Variants in PER1 observed in about 807,000 individuals in gnomAD.
The protein encoded by PER1 is period circadian protein homolog 1.
A neutral mutation model predicts 125.9 loss-of-function variants in PER1; 87 were observed. The observed-to-expected ratio is 0.69, with a 90% confidence interval of 0.58 to 0.83. The LOEUF is 0.83. Ranked by LOEUF, PER1 falls within the 40% of genes least tolerant of loss-of-function variation. The probability of loss-of-function intolerance (pLI) is 0.00; values close to 1 mark genes in which losing one functional copy is unlikely to be tolerated. For missense variants in PER1, 1,775 were observed against 1,722.8 expected, an observed-to-expected ratio of 1.03 and a Z score of -0.54; for synonymous variants, 801 against 714.7, an observed-to-expected ratio of 1.12 and a Z score of -1.93.
rs1234353028 is a variant in PER1, at chr17:8,143,640, G to A, written c.2698C>T (p.Pro900Ser). 2.8e-6 allele frequency: 4 copies of A among 1,452,258 alleles called. No homozygotes were observed. The highest frequency in any genetic ancestry group is 2.5e-5 in the East Asian group (1 of 39,690). The allele number at this position is 1,452,258 out of a possible 1,614,324, so 90.0% of individuals were successfully genotyped here. A position where few individuals can be genotyped will look rare whatever the true frequency, so the allele number is the denominator to read the frequency against. Reference sequence around the variant, plus strand: ...GCTGGGGGCACAGATGTGGGAGCAGGGGGAAGAGGCTGGGGGCCTCCTCGA... The same window carrying A: ...GCTGGGGGCACAGATGTGGGAGCAGAGGGAAGAGGCTGGGGGCCTCCTCGA... ...SPRGGPQPLPPAPTSVPPAAF... is the reference protein window; with the variant it reads ...SPRGGPQPLPSAPTSVPPAAF... The change falls in exon 19 of 23, where the codon CCT (proline) becomes TCT (serine). Residue 900 changes from proline (P) to serine (S), a missense_variant. Transcript: ENST00000317276.
chr17:8,147,607 G>A lies in PER1; in HGVS notation c.1389-29C>T, dbSNP rs766743208. On this transcript the variant is annotated intron_variant, in intron 11 of 22. Coordinates refer to ENST00000317276, the MANE Select transcript of PER1 (RefSeq NM_002616.3). ...TAGAGTGAAGAGTGAATCCAGCCCT[G>A]GCCCGGTCCTGTCCCCCACCGCACT... 1.6e-5 allele frequency: 26 copies of A among 1,613,206 alleles called. 1 individual carries two copies. The East Asian group carries it at 2.2e-4, about 14-fold the overall frequency.
intron 18 of PER1, chr17:8,144,497 G>A (rs750797402): frequency 7.9e-6 from 4 of 504,348 alleles, no homozygotes; most frequent in Admixed American, 3.9e-5. Flanking sequence ...GCCTGAAGTC[G>A]CTTACCTGGA....
intron 19 of PER1, 51 bp downstream of exon 19, chr17:8,143,215 G>A (rs1022372397): frequency 3.1e-6 from 4 of 1,290,308 alleles, no homozygotes; most frequent in South Asian, 3.1e-5. Context: ...GGTGGCAGAG[G>A]GGCGGGGCTG....
At position 8,143,542 on chromosome 17, in the gene PER1, G is replaced by A. The variant is rs542348673; in HGVS notation, c.2796C>T (p.Ser932=). ...VLPNYLFPTP[S]SYPYGALQTP... The stretch of plus-strand genomic sequence containing the variant: ...TCTGGAGTGCCCCATAAGGATAGCT[G>A]GATGGGGTTGGGAACAGATAGTTAG... Residue 932 remains serine (S), a synonymous_variant, in exon 19 of 23, where the codon TCC becomes TCT. Coordinates refer to ENST00000317276, the MANE Select transcript of PER1 (RefSeq NM_002616.3). The A allele has an allele frequency of 2.0e-6, 3 of 1,505,942 alleles. No individual in the cohort carries two copies. Among genetic ancestry groups the A allele is most frequent in the Admixed American group, 4.4e-5 (2 of 45,846 alleles). 93.3% of individuals were successfully genotyped at this position (1,505,942 alleles called of 1,614,324 possible).
chr17:8,143,737 G>C lies in PER1; in HGVS notation c.2601C>G (p.Pro867=), dbSNP rs978913524. The C allele has an allele frequency of 5.2e-6, 8 of 1,552,988 alleles. No homozygotes were observed. In the Admixed American group the frequency reaches 5.4e-5, roughly 11 times the overall value. The change falls in exon 19 of 23, where the codon CCC becomes CCG. Residue 867 remains proline, a synonymous_variant. Coordinates refer to ENST00000317276, the MANE Select transcript of PER1 (RefSeq NM_002616.3). ...GGGTAGTGGCTGGTGGGGTGGGCCAGGGGGTGGAGGGTGGCACGGGTGAGG... is the reference window on the plus strand; with the variant it reads ...GGGTAGTGGCTGGTGGGGTGGGCCACGGGGTGGAGGGTGGCACGGGTGAGG... ...SHPSPVPPST[P]WPTPPATTPF...
rs760856968 is a variant in PER1 at position 8,149,793 on chromosome 17, G to A, written c.613C>T (p.Leu205=). 1.2e-6 allele frequency: 2 copies of A among 1,613,558 alleles called. No individual in the cohort carries two copies. The highest frequency in any genetic ancestry group is 1.1e-5 in the South Asian group (1 of 91,084). The part of the protein sequence containing the change: ...MDMSTYTLEE[L]EHITSEYTLQ... ...GTGTACTCAGACGTGATGTGCTCCA[G>A]CTCCTCCAGGGTATAGGTGGACATG... The change falls in exon 5 of 23, where the codon CTG becomes TTG. Residue 205 remains leucine (L), a synonymous_variant. Coordinates refer to ENST00000317276, the MANE Select transcript of PER1 (RefSeq NM_002616.3).
intron 13 of PER1, 36 bp downstream of exon 13, chr17:8,147,214 G>T: frequency 3.2e-6 from 5 of 1,577,186 alleles, no homozygotes; most frequent in Non-Finnish European, 3.4e-6. Context: ...GAGGGGAAAG[G>T]GCGATTAGAG....
Position 8,142,321 on chromosome 17 carries a change from G to A in PER1, c.3397C>T (p.Leu1133Phe), listed in dbSNP as rs1982133032. The A allele has an allele frequency of 1.2e-6, 2 of 1,613,006 alleles. No individual in the cohort carries two copies. Among genetic ancestry groups the A allele is most frequent in the African/African-American group, 1.3e-5 (1 of 74,902 alleles). Reference protein sequence around the residue: ...KYVLQDPIWLLMANADQRVMM... With the variant: ...KYVLQDPIWLFMANADQRVMM... ...ACGCGCTGGTCAGCATTGGCCATGA[G>A]CAGCCAAATGGGATCCTGGAGCACG... The change falls in exon 21 of 23, where the codon CTC becomes TTC. Residue 1133 changes from leucine (L) to phenylalanine (F), a missense_variant. Leu to Phe is a conservative substitution (Grantham distance 22). Coordinates refer to ENST00000317276, the MANE Select transcript of PER1 (RefSeq NM_002616.3).
chr17:8,143,832 G>C lies in PER1; in HGVS notation c.2506C>G (p.Arg836Gly), dbSNP rs1229815436. Residue 836 changes from arginine (R) to glycine (G), a missense_variant, in exon 19 of 23, where the codon CGA becomes GGA. Transcript: ENST00000317276. ...PAPPSRRHHC[R>G]SKAKRSRHHQ... Reference sequence around the variant, plus strand: ...TGGCGTGAGCGCTTGGCTTTGGATCGGCAGTGGTGTCGGCGGCTTGGGGGT... The same window carrying C: ...TGGCGTGAGCGCTTGGCTTTGGATCCGCAGTGGTGTCGGCGGCTTGGGGGT... The C allele has an allele frequency of 1.9e-6, 3 of 1,612,668 alleles. No homozygotes were observed. The highest frequency in any genetic ancestry group is 2.5e-6 in the Non-Finnish European group (3 of 1,179,352).
At chr17:8,151,512 G>A (rs1346367803) in intron 1 of PER1, among the ~76,000 whole-genome samples, 1 of 152,066 alleles carries the variant, frequency 6.6e-6, no homozygotes, top group Non-Finnish European at 1.5e-5. Flanking sequence ...GAAGTGGGAC[G>A]GCCTATTAGG....
Position 8,144,991 on chromosome 17 carries a change from T to A in PER1, c.2221A>T (p.Ile741Phe). 6.8e-7 allele frequency: 1 copy of A among 1,478,908 alleles called. No homozygotes were observed. Among genetic ancestry groups the A allele is most frequent in the Non-Finnish European group, 9.0e-7 (1 of 1,113,604 alleles). 91.6% of individuals were successfully genotyped at this position (1,478,908 alleles called of 1,614,324 possible). A position where few individuals can be genotyped will look rare whatever the true frequency, so the allele number is the denominator to read the frequency against. Residue 741 changes from isoleucine to phenylalanine, a missense_variant and splice_region_variant, in exon 18 of 23, where the codon ATC becomes TTC. Ile to Phe is a conservative substitution (Grantham distance 21). Coordinates refer to ENST00000317276, the MANE Select transcript of PER1 (RefSeq NM_002616.3). ...VGDKKPPESDIIMMEDLPGLA... is the reference protein window; with the variant it reads ...VGDKKPPESDFIMMEDLPGLA... ...CCAGGCAGGTCCTCCATCATGATGA[T>A]GTCTGAGGAGAGTGAGATAGGGAAA...
At position 8,148,277 on chromosome 17, in the gene PER1, T is replaced by C. The variant is rs1228667461; in HGVS notation, c.1049-18A>G. The C allele has an allele frequency of 6.2e-7, 1 of 1,607,178 alleles. No individual in the cohort carries two copies. The highest frequency in any genetic ancestry group is 1.7e-5 in the Admixed American group (1 of 59,932). On this transcript the variant is annotated intron_variant, in intron 8 of 22. Transcript: ENST00000317276. ...CCGGGGAGCTGAGGCACAGAGAGTG[T>C]GGTCACTGGGTTTCGTCCAGAATGC...
intron 1 of PER1, among the ~76,000 whole-genome samples, chr17:8,151,936 T>C (rs1982884555): frequency 6.6e-6 from 1 of 152,180 alleles, no homozygotes; most frequent in African/African-American, 2.4e-5. Flanking sequence ...TAGTCCGAAG[T>C]GGGCTGACAT....
rs1453474770 is a variant in PER1, at chr17:8,142,150, G to A, written c.3449+119C>T. Reference sequence around the variant, plus strand: ...GAGGAACTAGTAACAGGGCTCCAAGGAGCAGGAAGAAAGATAGAAACGTTT... The same window carrying A: ...GAGGAACTAGTAACAGGGCTCCAAGAAGCAGGAAGAAAGATAGAAACGTTT... On this transcript the variant is annotated intron_variant, in intron 21 of 22. Coordinates refer to ENST00000317276, the MANE Select transcript of PER1 (RefSeq NM_002616.3). 4.8e-5 allele frequency: 53 copies of A among 1,113,720 alleles called. No homozygotes were observed. The East Asian group carries it at 7.6e-4, about 16-fold the overall frequency. 69.0% of individuals were successfully genotyped at this position (1,113,720 alleles called of 1,614,324 possible). A position where few individuals can be genotyped will look rare whatever the true frequency, so the allele number is the denominator to read the frequency against.
intron 11 of PER1, 26 bp downstream of exon 11, chr17:8,147,648 C>T: frequency 6.2e-7 from 1 of 1,613,850 alleles, no homozygotes. Context: ...ATCCCCAACG[C>T]CAGCTCGGGG....
rs1470038204 is a variant in PER1 at position 8,149,613 on chromosome 17, A to C, written c.702T>G (p.Ile234Met). The C allele has an allele frequency of 6.2e-7, 1 of 1,612,294 alleles. No homozygotes were observed. The highest frequency in any genetic ancestry group is 1.1e-5 in the South Asian group (1 of 91,062). Residue 234 changes from isoleucine to methionine, a missense_variant, in exon 6 of 23, where the codon ATT (isoleucine) becomes ATG (methionine). By Grantham distance (10) the Ile-to-Met change is conservative. Transcript: ENST00000317276. The stretch of plus-strand genomic sequence containing the variant: ...GCAGCAGGACGGCTGCCTGCTCCGA[A>C]ATGTAGACGATTCGGCCCGTCAGGA... ...VSFLTGRIVY[I>M]SEQAAVLLRC...
In PER1 at chr17:8,149,365, G is replaced by A. The variant is rs553179269; in HGVS notation, c.854-55C>T. 155 of 1,607,134 alleles carry A rather than the reference G, an allele frequency of 9.6e-5. 1 individual carries two copies. Among genetic ancestry groups the A allele is most frequent in the African/African-American group, 8.8e-4 (66 of 74,870 alleles). On this transcript the variant is annotated intron_variant, in intron 6 of 22. Transcript: ENST00000317276. ...GCTTCCTGCCCCTTCCCTAGGCTGC[G>A]AAGAATCCACTAAGGGAAAGTCTGG... is the stretch of plus-strand genomic sequence containing the variant.
chr17:8,147,209 G>A (rs1982506801), intron 13 of PER1, 41 bp downstream of exon 13: 4 of 1,571,670 alleles, frequency 2.5e-6, no homozygotes, highest in South Asian at 1.2e-5. Context: ...AAGGAGAGGG[G>A]AAAGGGCGAT....
chr17:8,148,369 C>G, intron 8 of PER1, 110 bp from the exon 9 acceptor site: 1 of 963,578 alleles, frequency 1.0e-6, no homozygotes, highest in Non-Finnish European at 1.6e-6. Context: ...CAGCTCTGCC[C>G]CGGGCACTAT....
Sources: allele counts gnomAD v4.1 joint callset (sites outside exome capture counted in the v4.1 genomes callset), GRCh38; gene constraint gnomAD v4.1.1; transcripts MANE v1.5; gene names NCBI Gene and HGNC (gene_info 2026-07-23, HGNC 2026-07-21).